The following TTLL5 variants were observed in gnomAD, a reference collection of about 807,000 sequenced individuals.
TTLL5 encodes the protein tubulin polyglutamylase TTLL5.
TTLL5 carries 132 observed loss-of-function variants against 168.4 expected under a neutral mutation model. The observed-to-expected ratio is 0.78, with a 90% CI of 0.68 to 0.91. The LOEUF is 0.91. Among genes scored for constraint, TTLL5 ranks in the 40% least tolerant of loss-of-function variants. The probability of loss-of-function intolerance (pLI) is 0.00; values close to 1 mark genes in which losing one functional copy is unlikely to be tolerated. For missense variants in TTLL5, 1,545 were observed against 1,581.5 expected (o/e 0.98, Z 0.39); for synonymous variants, 546 against 558.6 (o/e 0.98, Z 0.32).
intron 27 of TTLL5, among the ~76,000 whole-genome samples, chr14:75,812,279 CA>C (rs1487849957): frequency 1.3e-5 from 2 of 152,132 alleles, no homozygotes; most frequent in Admixed American, 6.6e-5. Context: ...ATCTGCCAAG[CA>C]GGCCCCAAAG....
At chr14:75,798,199 C>T (rs527975145) in intron 27 of TTLL5, among the ~76,000 whole-genome samples, 49 of 152,008 alleles carry the variant, frequency 3.2e-4, no homozygotes, top group South Asian at 1.7e-3. Flanking sequence ...GGAATTTATC[C>T]GTCTCCTCTA....
intron 29 of TTLL5, among the ~76,000 whole-genome samples, chr14:75,866,893 G>T (rs998581262): frequency 1.3e-5 from 2 of 152,206 alleles, no homozygotes; most frequent in South Asian, 4.1e-4. Context: ...GCCAGTGGCG[G>T]AAGTTTTCAG....
intron 18 of TTLL5, among the ~76,000 whole-genome samples, chr14:75,757,486 C>T (rs1890350024): frequency 6.6e-6 from 1 of 152,116 alleles, no homozygotes; most frequent in Non-Finnish European, 1.5e-5. Context: ...TTATCCTGCT[C>T]CTTTCTATAA....
intron 28 of TTLL5, among the ~76,000 whole-genome samples, chr14:75,830,511 GTATAACA>G (rs1895500039): frequency 6.6e-6 from 1 of 152,124 alleles, no homozygotes; most frequent in South Asian, 2.1e-4. Flanking sequence ...ATCCCACAAT[GTATAACA>G]TATTCCAAAA....
chr14:75,879,119 C>T (rs1383622326), intron 29 of TTLL5, among the ~76,000 whole-genome samples: 1 of 152,160 alleles, frequency 6.6e-6, no homozygotes, highest in African/African-American at 2.4e-5. Flanking sequence ...TCAGCCATTT[C>T]CAGTGTGAAT....
intron 30 of TTLL5, among the ~76,000 whole-genome samples, chr14:75,888,671 C>T (rs1290740158): frequency 6.6e-6 from 1 of 152,006 alleles, no homozygotes; most frequent in Non-Finnish European, 1.5e-5. Flanking sequence ...CATGGTGGCT[C>T]ATGCCTGTAA....
At chr14:75,824,727 GTTTT>G (rs200747931) in intron 28 of TTLL5, among the ~76,000 whole-genome samples, 7 of 139,396 alleles carry the variant, frequency 5.0e-5, no homozygotes, top group African/African-American at 1.8e-4. Context: ...AAAATTATGT[GTTTT>G]TTTTTTTTTT....
At chr14:75,819,165 T>A (rs1317911872) in intron 27 of TTLL5, among the ~76,000 whole-genome samples, 1 of 152,246 alleles carries the variant, frequency 6.6e-6, no homozygotes, top group Non-Finnish European at 1.5e-5. Flanking sequence ...TGACTGCTAT[T>A]ATGATAGCCA....
intron 31 of TTLL5, among the ~76,000 whole-genome samples, chr14:75,914,033 A>AAAAAAAAAAATATATATATATAT: frequency 3.8e-4 from 27 of 71,064 alleles, no homozygotes; most frequent in African/African-American, 1.4e-3. Context: ...AAAAAAAAAA[A>AAAAAAAAAAATATATATATATAT]ATATATATAT....
At chr14:75,922,180 C>CGG (rs1555357031) in intron 31 of TTLL5, among the ~76,000 whole-genome samples, 1 of 151,156 alleles carries the variant, frequency 6.6e-6, no homozygotes, top group Non-Finnish European at 1.5e-5. Context: ...CATCTGCAAA[C>CGG]GGACAATTTG....
At chr14:75,692,284 T>C (rs1456679052) in intron 6 of TTLL5, among the ~76,000 whole-genome samples, 1 of 152,210 alleles carries the variant, frequency 6.6e-6, no homozygotes, top group Non-Finnish European at 1.5e-5. Context: ...CAGGCTATGT[T>C]TGTATTAGTA....
intron 31 of TTLL5, 93 bp downstream of exon 31, chr14:75,902,317 AG>A (rs1258471926): frequency 7.8e-7 from 1 of 1,287,756 alleles, no homozygotes; most frequent in Non-Finnish European, 1.1e-6. Flanking sequence ...AGAGAGCCCC[AG>A]TTCAAAGAAT....
intron 30 of TTLL5, among the ~76,000 whole-genome samples, chr14:75,892,416 C>G (rs1037119632): frequency 5.9e-5 from 9 of 152,220 alleles, no homozygotes; most frequent in African/African-American, 2.2e-4. Context: ...ATATTGGGAG[C>G]TGAAAGTGCC....
At chr14:75,758,944 C>G (rs763905773) in intron 18 of TTLL5, among the ~76,000 whole-genome samples, 5 of 152,062 alleles carry the variant, frequency 3.3e-5, no homozygotes, top group Non-Finnish European at 7.4e-5. Flanking sequence ...ACTGAGATCA[C>G]TGTTCTAATG....
intron 30 of TTLL5, among the ~76,000 whole-genome samples, chr14:75,896,361 T>A (rs11159156): frequency 2.1e-4 from 32 of 152,210 alleles, no homozygotes; most frequent in African/African-American, 7.5e-4. Flanking sequence ...GGTTGGTTAT[T>A]GCTGTATTTT....
intron 18 of TTLL5, chr14:75,758,005 G>A: frequency 1.1e-6 from 1 of 888,260 alleles, no homozygotes; most frequent in Non-Finnish European, 1.5e-6. Context: ...TTTTTCTATT[G>A]AAAAAGTGTT....
intron 15 of TTLL5, chr14:75,744,871 A>G (rs970635108): frequency 1.3e-4 from 48 of 359,694 alleles, no homozygotes; most frequent in African/African-American, 9.6e-4. Flanking sequence ...CTCTCAACCC[A>G]TAGTGTTCTT....
intron 28 of TTLL5, 37 bp from the exon 29 acceptor site, chr14:75,863,630 C>T (rs1035876101): frequency 1.9e-6 from 3 of 1,549,616 alleles, no homozygotes; most frequent in Non-Finnish European, 2.6e-6. Context: ...TTCATACAGC[C>T]ACTCACTCTA....
chr14:75,813,455 A>G (rs1894192293), intron 27 of TTLL5, among the ~76,000 whole-genome samples: 2 of 151,974 alleles, frequency 1.3e-5, no homozygotes, highest in African/African-American at 4.8e-5. Flanking sequence ...AGCATGCACC[A>G]CCACACTCAG....
Sources: gnomAD v4.1 joint callset for allele counts (sites outside exome capture counted in the v4.1 genomes callset) on GRCh38, gnomAD v4.1.1 for gene constraint, MANE v1.5 for transcripts, NCBI Gene and HGNC (gene_info 2026-07-23, HGNC 2026-07-21) for gene names.